The following GGT1 variants were observed in gnomAD, a reference collection of about 807,000 sequenced individuals.
The protein encoded by GGT1 is gamma-glutamyltransferase 1.
A neutral mutation model predicts 56.0 loss-of-function variants in GGT1; 21 were observed. The observed-to-expected ratio is 0.38, with a 90% CI of 0.27 to 0.54. The LOEUF is 0.54. Ranked by LOEUF, GGT1 falls within the 20% of genes least tolerant of loss-of-function variation. The pLI is 0.82. For synonymous variants in GGT1, 238 were observed against 342.6 expected, an observed-to-expected ratio of 0.69 and a Z score of 3.37; for missense variants, 466 against 787.0, an observed-to-expected ratio of 0.59 and a Z score of 4.88.
At chr22:24,621,334 C>A (rs1261809166) in intron 9 of GGT1, among the ~76,000 whole-genome samples, 1 of 151,962 alleles carries the variant, frequency 6.6e-6, no homozygotes, top group African/African-American at 2.4e-5. Context: ...AGAATACAGC[C>A]TGAAGATCCA....
chr22:24,597,140 G>A (rs1008738467), intron 1 of GGT1, among the ~76,000 whole-genome samples: 9 of 151,798 alleles, frequency 5.9e-5, no homozygotes, highest in Admixed American at 3.9e-4. Flanking sequence ...CCGCCACCAC[G>A]CCCAGCTAAT....
intron 1 of GGT1, among the ~76,000 whole-genome samples, chr22:24,607,165 G>A (rs1601661293): frequency 1.3e-5 from 2 of 152,120 alleles, no homozygotes; most frequent in East Asian, 3.9e-4. Context: ...TGTTCGGGTG[G>A]TTCCTTGGGC....
In GGT1 at chr22:24,611,543, C is replaced by CATCT. The variant is rs60405110; in HGVS notation, c.164+352_164+355dup. On this transcript the variant is annotated intron_variant, in intron 5 of 15. Coordinates refer to ENST00000400382, the MANE Select transcript of GGT1 (RefSeq NM_001288833.2). ...TCTATCTATCTATCTATCTATCTAT[C>CATCT]ATCTATCTATCTATCTATCTATCTA... is the stretch of plus-strand genomic sequence containing the variant. Among the ~76,000 whole-genome samples, 289 of 119,506 alleles carry CATCT rather than the reference C, an allele frequency of 2.4e-3. 2 individuals are homozygous for CATCT. The highest frequency in any genetic ancestry group is 3.9e-3 in the East Asian group (16 of 4,118). 78.4% of individuals were successfully genotyped at this position (119,506 alleles called of 152,430 possible).
At chr22:24,594,855 C>T (rs897937970) in exon 1 of GGT1, 1 of 151,778 alleles carries the variant, frequency 6.6e-6, no homozygotes, top group Non-Finnish European at 1.5e-5. Context: ...CCAGGGACCT[C>T]TCAGACCCCC....
At position 24,628,002 on chromosome 22, in the gene GGT1, T is replaced by C. The variant is rs1404853736; in HGVS notation, c.1336+23T>C. The C allele has an allele frequency of 4.1e-6, 2 of 483,884 alleles. No individual in the cohort carries two copies. The highest frequency in any genetic ancestry group is 6.6e-6 in the Non-Finnish European group (2 of 304,178). The allele number at this position is 483,884 out of a possible 1,614,324, so 30.0% of individuals were successfully genotyped here. A position where few individuals can be genotyped will look rare whatever the true frequency, so the allele number is the denominator to read the frequency against. ...CAGGTATGGGGTGGAGGTCCGGGGGTGGGGGACTGGGGTGGAGAGGGGCGG... is the reference window on the plus strand; with the variant it reads ...CAGGTATGGGGTGGAGGTCCGGGGGCGGGGGACTGGGGTGGAGAGGGGCGG... On this transcript the variant is annotated intron_variant, in intron 13 of 15. Coordinates refer to ENST00000400382, the MANE Select transcript of GGT1 (RefSeq NM_001288833.2). This position sits in a 1 kb window ranked among gnomAD's most constrained non-coding sequence, Gnocchi z 5.7.
the GGT1 span, chr22:24,588,719 G>T: frequency 3.5e-5 from 37 of 1,068,248 alleles, no homozygotes; most frequent in African/African-American, 5.9e-4. Flanking sequence ...CGAGGGAGCC[G>T]TGCTCCACTG....
chr22:24,608,137 G>A (rs867186835), intron 2 of GGT1, 114 bp downstream of exon 2: 2 of 359,466 alleles, frequency 5.6e-6, no homozygotes, highest in Non-Finnish European at 5.8e-6. Context: ...CGCTGTTTGG[G>A]TGAGAACCAG....
the GGT1 span, chr22:24,589,372 G>C: frequency 3.0e-5 from 34 of 1,129,010 alleles, no homozygotes; most frequent in Non-Finnish European, 3.7e-5. Context: ...CGTCCGCAAG[G>C]GTGTCTGTAC....
rs1435953832 is a variant in GGT1 at position 24,603,475 on chromosome 22, G to C, written c.-481G>C. On this transcript the variant is annotated 5_prime_UTR_variant, in exon 1 of 16. Coordinates refer to ENST00000400382, the MANE Select transcript of GGT1 (RefSeq NM_001288833.2). ...GTGCAGTGGGAGTGAGTTGCACTTC[G>C]GGGTGAAGGGGGCAAGACTTGTGTG... is the stretch of plus-strand genomic sequence containing the variant. The C allele has an allele frequency of 6.6e-6, 1 of 152,306 alleles. No homozygotes were observed. Among genetic ancestry groups the C allele is most frequent in the African/African-American group, 2.4e-5 (1 of 41,440 alleles). The allele number at this position is 152,306 out of a possible 1,614,324, so 9.4% of individuals were successfully genotyped here.
At chr22:24,592,942 C>T (rs1196364372), upstream of GGT1, 2 of 1,227,458 alleles carry the variant, frequency 1.6e-6, no homozygotes, top group Non-Finnish European at 2.0e-6. Context: ...GCGGAGCCAC[C>T]GCACCCGGCG....
At chr22:24,594,384 CGTGTGTATGTGTGTGTGTGTGTGTGTGT>C (rs2045654175), upstream of GGT1, among the ~76,000 whole-genome samples, 1 of 140,082 alleles carries the variant, frequency 7.1e-6, no homozygotes, top group African/African-American at 2.8e-5. Context: ...GCCAAGCACC[CGTGTGTATGTGTGTGTGTGTGTGTGTGT>C]GTGTGTGTGT....
chr22:24,621,815 C>T (rs2047430867), intron 9 of GGT1, among the ~76,000 whole-genome samples: 3 of 151,904 alleles, frequency 2.0e-5, no homozygotes, highest in South Asian at 4.1e-4. Flanking sequence ...CTTTGGGAGG[C>T]CGAGGCGGGT....
chr22:24,615,352 CT>C (rs765688325), intron 7 of GGT1, among the ~76,000 whole-genome samples: 2 of 152,184 alleles, frequency 1.3e-5, no homozygotes, highest in Non-Finnish European at 2.9e-5. Context: ...TCCGGGGCCA[CT>C]CTGTGCAGCA....
chr22:24,588,416 G>T, the GGT1 span: 1 of 1,027,226 alleles, frequency 9.7e-7, no homozygotes, highest in Non-Finnish European at 1.5e-6. Flanking sequence ...GCAGCCAAGT[G>T]TGTGTGTGAG....
In GGT1 at chr22:24,628,840, G is replaced by A; in HGVS notation, c.*1G>A. ...AGGCGGGGAGCCTGCCGGCTACTGA[G>A]TGCTCCAGGAGGACAAGGCTGACAA... On this transcript the variant is annotated 3_prime_UTR_variant, in exon 16 of 16. Coordinates refer to ENST00000400382, the MANE Select transcript of GGT1 (RefSeq NM_001288833.2). This position sits in a 1 kb window ranked among gnomAD's most constrained non-coding sequence, Gnocchi z 5.7. 1 of 1,590,352 alleles carries A rather than the reference G, an allele frequency of 6.3e-7. No individual in the cohort carries two copies. Among genetic ancestry groups the A allele is most frequent in the East Asian group, 2.3e-5 (1 of 44,354 alleles).
At chr22:24,600,943 G>A (rs1470596079), upstream of GGT1, among the ~76,000 whole-genome samples, 2 of 152,226 alleles carry the variant, frequency 1.3e-5, no homozygotes, top group Admixed American at 6.5e-5. Flanking sequence ...CCCCATTGGG[G>A]AAGGTATGTA....
chr22:24,610,896 C>G (rs2046610404), intron 4 of GGT1, among the ~76,000 whole-genome samples, 179 bp from the exon 5 acceptor site: 1 of 151,554 alleles, frequency 6.6e-6, no homozygotes, highest in Non-Finnish European at 1.5e-5. Flanking sequence ...GAGCTTCTGG[C>G]AGAGGGCATG....
intron 7 of GGT1, among the ~76,000 whole-genome samples, chr22:24,618,142 G>A (rs1488479022): frequency 6.6e-6 from 1 of 152,138 alleles, no homozygotes; most frequent in African/African-American, 2.4e-5. Context: ...TGCATAGAGT[G>A]TATAATGATC....
upstream of GGT1, among the ~76,000 whole-genome samples, chr22:24,598,967 A>C (rs138810313): frequency 6.6e-6 from 1 of 152,082 alleles, no homozygotes; most frequent in African/African-American, 2.4e-5. Flanking sequence ...GGGTCTCTCT[A>C]TGTTTCCCAG....
Sources: allele counts gnomAD v4.1 joint callset (sites outside exome capture counted in the v4.1 genomes callset), GRCh38; gene constraint gnomAD v4.1.1; non-coding constraint Gnocchi (gnomAD v3.1); transcripts MANE v1.5; gene names NCBI Gene and HGNC (gene_info 2026-07-23, HGNC 2026-07-21).